BUB1: variants seen among roughly 807,000 people sequenced by gnomAD.
The protein encoded by BUB1 is BUB1 mitotic checkpoint serine/threonine kinase, also known as mitotic checkpoint serine/threonine-protein kinase BUB1.
Under a neutral mutation model 135.2 loss-of-function variants are expected in BUB1, and 84 were observed. The observed-to-expected ratio is 0.62, with a 90% CI of 0.52 to 0.74. The LOEUF (loss-of-function observed/expected upper bound fraction) is 0.74. BUB1 is among the 30% of genes least tolerant of loss of function. The pLI is 0.00. For missense variants in BUB1, 1,162 were observed against 1,288.3 expected, an observed-to-expected ratio of 0.90 and a Z score of 1.50; for synonymous variants, 403 against 434.4, an observed-to-expected ratio of 0.93 and a Z score of 0.90.
At chr2:110,677,905 G>T in intron 1 of BUB1, 65 bp downstream of exon 1, 2 of 1,553,094 alleles carry the variant, frequency 1.3e-6, no homozygotes, top group Admixed American at 1.9e-5. Flanking sequence ...TCTGGGGCGG[G>T]CCGGGCCCGA....
Position 110,648,385 on chromosome 2 carries a change from G to A in BUB1, c.2347+849C>T, listed in dbSNP as rs1689698389. Among the ~76,000 whole-genome samples the A allele has an allele frequency of 6.6e-6, 1 of 152,138 alleles. No individual in the cohort carries two copies. The highest frequency in any genetic ancestry group is 2.1e-4 in the South Asian group (1 of 4,830). On this transcript the variant is annotated intron_variant, in intron 19 of 24. Transcript: ENST00000302759. The surrounding 1 kb of genome is among the most constrained non-coding windows in gnomAD (Gnocchi z 4.2). ...AAACAATCAGTGGTTGCCAGGCGTT[G>A]GGGGACAAGGAGGAAGGGATGAATA...
Position 110,666,406 on chromosome 2 carries a change from C to T in BUB1, c.814G>A (p.Asp272Asn). 3.5e-6 allele frequency: 5 copies of T among 1,418,944 alleles called. No homozygotes were observed. Among genetic ancestry groups the T allele is most frequent in the Non-Finnish European group, 3.7e-6 (4 of 1,076,336 alleles). 87.9% of individuals were successfully genotyped at this position (1,418,944 alleles called of 1,614,324 possible). A position where few individuals can be genotyped will look rare whatever the true frequency, so the allele number is the denominator to read the frequency against. The change falls in exon 9 of 25, where the codon GAC becomes AAC. Residue 272 changes from aspartate (D) to asparagine (N), a missense_variant. Physicochemically the swap from Asp to Asn is conservative, Grantham distance 23. Coordinates refer to ENST00000302759, the MANE Select transcript of BUB1 (RefSeq NM_004336.5). ...RRKHEQWVNE[D>N]RHYMKRKEAN... ...TCTTTCCTTTTCATATAATGTCTGT[C>T]TTCATTTACTTTAGGAAAGATAGAA...
At position 110,642,135 on chromosome 2, in the gene BUB1, T is replaced by G; in HGVS notation, c.2447A>C (p.Gln816Pro). ...GTCATTTACCTTTAAAACAAATTTC[T>G]GTTTATTTTTAGCATCATTCAGATC... ...QGDLNDAKNK[Q>P]KFVLKVQKPA... Residue 816 changes from glutamine to proline, a missense_variant, in exon 20 of 25, where the codon CAG becomes CCG. Physicochemically the swap from Gln to Pro is moderately conservative, Grantham distance 76 (BLOSUM62 -1). Coordinates refer to ENST00000302759, the MANE Select transcript of BUB1 (RefSeq NM_004336.5). 6.2e-7 allele frequency: 1 copy of G among 1,608,296 alleles called. No homozygotes were observed. The highest frequency in any genetic ancestry group is 1.7e-4 in the Middle Eastern group (1 of 6,044).
At chr2:110,661,135 G>A (rs1017456573) in intron 10 of BUB1, 12 of 153,430 alleles carry the variant, frequency 7.8e-5, no homozygotes, top group African/African-American at 2.9e-4. Flanking sequence ...TTCCAGTGCA[G>A]AGGTACATTT....
chr2:110,661,397 A>G lies in BUB1; in HGVS notation c.1217+185T>C, dbSNP rs973480408. On this transcript the variant is annotated intron_variant, in intron 10 of 24. Coordinates refer to ENST00000302759, the MANE Select transcript of BUB1 (RefSeq NM_004336.5). ...ATAAATATTCTAAAAGAAGCATGGA[A>G]TAAGTAAGCCTAAAGGATTGGGAGC... 1.2e-5 allele frequency: 8 copies of G among 655,110 alleles called. No individual in the cohort carries two copies. In the African/African-American group the frequency reaches 1.3e-4, roughly 10 times the overall value. The allele number at this position is 655,110 out of a possible 1,614,324, so 40.6% of individuals were successfully genotyped here.
chr2:110,668,071 GGTT>G (rs1690315090), intron 6 of BUB1, among the ~76,000 whole-genome samples: 2 of 151,978 alleles, frequency 1.3e-5, no homozygotes, highest in African/African-American at 2.4e-5. Flanking sequence ...AGGTTTTTTT[GGTT>G]GTTGTTTTGT....
chr2:110,669,449 T>G lies in BUB1; in HGVS notation c.567+4A>C. ...TCCACACAAGCTACAAATGTCATTA[T>G]TACCTGATTCTTAGAAATGCAGGCC... On this transcript the variant is annotated splice_donor_region_variant and intron_variant, in intron 6 of 24. Transcript: ENST00000302759. The G allele has an allele frequency of 6.4e-7, 1 of 1,572,878 alleles. No individual in the cohort carries two copies. Among genetic ancestry groups the G allele is most frequent in the Non-Finnish European group, 8.8e-7 (1 of 1,142,464 alleles).
intron 23 of BUB1, among the ~76,000 whole-genome samples, 183 bp downstream of exon 23, chr2:110,640,851 A>G (rs1559162879): frequency 6.6e-6 from 1 of 152,228 alleles, no homozygotes. Flanking sequence ...ATGGACTAAT[A>G]AGAAAGCAGA....
chr2:110,677,243 T>C (rs576009790), intron 1 of BUB1, among the ~76,000 whole-genome samples: 63 of 152,328 alleles, frequency 4.1e-4, no homozygotes, highest in South Asian at 1.0e-3. Flanking sequence ...ACAGAAAAAG[T>C]CTTAGAGCAA....
At chr2:110,646,278 G>A (rs1342828751) in intron 19 of BUB1, among the ~76,000 whole-genome samples, 1 of 148,290 alleles carries the variant, frequency 6.7e-6, no homozygotes, top group Non-Finnish European at 1.5e-5. Context: ...TGAGGTTGCA[G>A]TGAGCCAAGA....
chr2:110,643,481 A>G (rs989152609), intron 19 of BUB1, among the ~76,000 whole-genome samples: 4 of 152,222 alleles, frequency 2.6e-5, no homozygotes, highest in Non-Finnish European at 5.9e-5. Flanking sequence ...CTAAAGGTCT[A>G]TTTAATCCCA....
rs769718462 is a variant in BUB1 at position 110,641,117 on chromosome 2, T to C, written c.2872A>G (p.Lys958Glu). The C allele has an allele frequency of 6.8e-6, 11 of 1,613,420 alleles. No individual in the cohort carries two copies. In the Admixed American group the frequency reaches 1.5e-4, roughly 22 times the overall value. The change falls in exon 23 of 25, where the codon AAA becomes GAA. Residue 958 changes from lysine (K) to glutamate (E), a missense_variant. Transcript: ENST00000302759. ...CACTTTGCTGTGAATATAGTTCCTT[T>C]TGGAAAAAGTTTCATATCTATACTC... is the stretch of plus-strand genomic sequence containing the variant. ...GQSIDMKLFP[K>E]GTIFTAKCET...
intron 3 of BUB1, among the ~76,000 whole-genome samples, chr2:110,673,658 A>T (rs1292632317): frequency 6.6e-6 from 1 of 151,972 alleles, no homozygotes; most frequent in African/African-American, 2.4e-5. Context: ...CAGTGACATG[A>T]TCTGATCTCG....
Position 110,637,821 on chromosome 2 carries a change from TAAC to T in BUB1, c.*140_*142del. The T allele has an allele frequency of 1.5e-6, 1 of 656,024 alleles. No individual in the cohort carries two copies. The highest frequency in any genetic ancestry group is 4.7e-4 in the Middle Eastern group (1 of 2,114). 40.6% of individuals were successfully genotyped at this position (656,024 alleles called of 1,614,324 possible). ...GTTGTATATTTTGTTGAAATATTTA[TAAC>T]AACTAAGTTACATGGAAATATTCCA... is the stretch of plus-strand genomic sequence containing the variant. On this transcript the variant is annotated 3_prime_UTR_variant, in exon 25 of 25. Transcript: ENST00000302759.
At chr2:110,673,334 T>C (rs1263928976) in intron 3 of BUB1, among the ~76,000 whole-genome samples, 1 of 152,190 alleles carries the variant, frequency 6.6e-6, no homozygotes, top group African/African-American at 2.4e-5. Flanking sequence ...TGTGAGCCAC[T>C]CATGCAAACT....
chr2:110,673,902 A>G (rs1034134639), intron 3 of BUB1, among the ~76,000 whole-genome samples, 184 bp downstream of exon 3: 1 of 152,148 alleles, frequency 6.6e-6, no homozygotes, highest in African/African-American at 2.4e-5. Flanking sequence ...CCCAGCCCCT[A>G]CATACTTTTT....
Position 110,666,407 on chromosome 2 carries a change from T to G in BUB1, c.813A>C (p.Glu271Asp), listed in dbSNP as rs754257881. ...QRRKHEQWVN[E>D]DRHYMKRKEA... ...CTTTCCTTTTCATATAATGTCTGTC[T>G]TCATTTACTTTAGGAAAGATAGAAA... The change falls in exon 9 of 25, where the codon GAA becomes GAC. Residue 271 changes from glutamate (E) to aspartate (D), a missense_variant. Transcript: ENST00000302759. 9 of 1,418,274 alleles carry G rather than the reference T, an allele frequency of 6.3e-6. No individual in the cohort carries two copies. Among genetic ancestry groups the G allele is most frequent in the Non-Finnish European group, 7.4e-6 (8 of 1,075,940 alleles). The allele number at this position is 1,418,274 out of a possible 1,614,324, so 87.9% of individuals were successfully genotyped here.
rs769810200 is a variant in BUB1 at position 110,641,025 on chromosome 2, G to A, written c.2955+9C>T. The A allele has an allele frequency of 9.0e-6, 14 of 1,552,790 alleles. No homozygotes were observed. The highest frequency in any genetic ancestry group is 1.2e-5 in the Non-Finnish European group (14 of 1,152,844). On this transcript the variant is annotated intron_variant, in intron 23 of 24. Transcript: ENST00000302759. Reference sequence around the variant, plus strand: ...AAATATTTCCAAGTCCCTCACTTTAGTTTTATACCTGGTAGTTCCATGGTT... The same window carrying A: ...AAATATTTCCAAGTCCCTCACTTTAATTTTATACCTGGTAGTTCCATGGTT...
At chr2:110,662,616 A>C (rs190593157) in intron 9 of BUB1, among the ~76,000 whole-genome samples, 4 of 152,312 alleles carry the variant, frequency 2.6e-5, no homozygotes, top group Admixed American at 1.3e-4. Flanking sequence ...GCTAGGCAAC[A>C]TGGCAAAACC....
Sources: allele counts gnomAD v4.1 joint callset (sites outside exome capture counted in the v4.1 genomes callset), GRCh38; gene constraint gnomAD v4.1.1; non-coding constraint Gnocchi (gnomAD v3.1); transcripts MANE v1.5; gene names NCBI Gene and HGNC (gene_info 2026-07-23, HGNC 2026-07-21).